The following BFSP1 variants were observed in gnomAD, a reference collection of about 807,000 sequenced individuals.
The protein encoded by BFSP1 is beaded filament structural protein 1, also known as filensin.
Under a neutral mutation model 43.9 loss-of-function variants are expected in BFSP1, and 38 were observed. That is an observed-to-expected ratio of 0.87 (90% CI 0.67 to 1.14). The LOEUF is 1.14. Ranked by LOEUF, BFSP1 falls within the 50% of genes most tolerant of loss-of-function variation. The pLI, the probability that BFSP1 is intolerant of heterozygous loss-of-function variation, is 0.00. For missense variants in BFSP1, 850 were observed against 875.1 expected (o/e 0.97, Z 0.36); for synonymous variants, 352 against 354.8 (o/e 0.99, Z 0.09).
chr20:17,567,785 C>G (rs982735104), intron 1 of BFSP1, among the ~76,000 whole-genome samples: 1 of 150,858 alleles, frequency 6.6e-6, no homozygotes, highest in African/African-American at 2.4e-5. Context: ...CGCTTGAACC[C>G]GAGAGGCGGA....
At chr20:17,503,167 G>A (rs2033843628) in intron 5 of BFSP1, among the ~76,000 whole-genome samples, 1 of 152,072 alleles carries the variant, frequency 6.6e-6, no homozygotes, top group African/African-American at 2.4e-5. Context: ...GAGACCACAG[G>A]TGAATGCCAC....
intron 5 of BFSP1, among the ~76,000 whole-genome samples, chr20:17,501,071 C>T (rs903669095): frequency 1.3e-5 from 2 of 152,202 alleles, no homozygotes; most frequent in Non-Finnish European, 2.9e-5. Flanking sequence ...ATGGGCCACA[C>T]TTCGAGTCAC....
chr20:17,496,578 G>A (rs1034407803), intron 7 of BFSP1, among the ~76,000 whole-genome samples: 11 of 152,170 alleles, frequency 7.2e-5, no homozygotes, highest in Admixed American at 2.6e-4. Context: ...ACTGCCGAGC[G>A]GAGGGAGCAA....
chr20:17,524,318 A>G (rs190548102), intron 2 of BFSP1, among the ~76,000 whole-genome samples: 11 of 152,282 alleles, frequency 7.2e-5, no homozygotes, highest in Admixed American at 3.3e-4. Flanking sequence ...GCAACTCCAC[A>G]TAACCCTGCA....
chr20:17,535,627 TATAAAC>T (rs2034615301), upstream of BFSP1, among the ~76,000 whole-genome samples: 2 of 151,726 alleles, frequency 1.3e-5, no homozygotes, highest in African/African-American at 4.9e-5. Context: ...CATGTATAAA[TATAAAC>T]ATAAATAAGT....
chr20:17,549,760 CG>C (rs1183710278), intron 1 of BFSP1, among the ~76,000 whole-genome samples: 4 of 152,082 alleles, frequency 2.6e-5, no homozygotes, highest in African/African-American at 9.7e-5. Context: ...CACTTAAACC[CG>C]GGGGGCAGAA....
rs1431990278 is a variant in BFSP1, at chr20:17,548,392, A to G, written c.2+10296T>C. Among the ~76,000 whole-genome samples the G allele has an allele frequency of 4.6e-5, 7 of 152,190 alleles. 1 individual carries two copies. The South Asian group carries it at 1.4e-3, about 31-fold the overall frequency. On this transcript the variant is annotated intron_variant, in intron 1 of 7. Transcript: ENST00000377868. ...TTTACCAATAATAATTATTTGCCTT[A>G]CAGGCTCTCTTAAACTGGCTTTGCT...
At chr20:17,523,901 C>T (rs532924356) in intron 2 of BFSP1, among the ~76,000 whole-genome samples, 5 of 151,764 alleles carry the variant, frequency 3.3e-5, no homozygotes, top group East Asian at 1.9e-4. Flanking sequence ...GGCAAACATC[C>T]GGCGCTAACC....
chr20:17,514,912 A>G (rs2034165531), intron 2 of BFSP1, 96 bp from the exon 3 acceptor site: 1 of 1,079,320 alleles, frequency 9.3e-7, no homozygotes, highest in Admixed American at 1.8e-5. Flanking sequence ...CTGGGAGCTT[A>G]CTGAAATGCA....
intron 1 of BFSP1, among the ~76,000 whole-genome samples, chr20:17,538,987 G>C (rs1389283325): frequency 2.6e-5 from 4 of 151,424 alleles, no homozygotes; most frequent in Admixed American, 1.3e-4. Flanking sequence ...AGCCACAGTT[G>C]TCCAACTGGC....
intron 2 of BFSP1, among the ~76,000 whole-genome samples, chr20:17,519,386 A>C (rs569006093): frequency 6.6e-6 from 1 of 152,318 alleles, no homozygotes; most frequent in Non-Finnish European, 1.5e-5. Context: ...CTCTTCCCTC[A>C]GAGACCCTTC....
intron 1 of BFSP1, among the ~76,000 whole-genome samples, chr20:17,550,020 T>C (rs2034870499): frequency 6.6e-6 from 1 of 152,174 alleles, no homozygotes; most frequent in Non-Finnish European, 1.5e-5. Context: ...CTTCTCTATT[T>C]ACCCTCAGAA....
At chr20:17,564,596 T>TC (rs2035099230) in intron 1 of BFSP1, among the ~76,000 whole-genome samples, 1 of 152,110 alleles carries the variant, frequency 6.6e-6, no homozygotes, top group Non-Finnish European at 1.5e-5. Context: ...TTCTTCTTCT[T>TC]CTTTTTTTTT....
intron 5 of BFSP1, among the ~76,000 whole-genome samples, chr20:17,502,090 C>T (rs1343045029): frequency 6.6e-6 from 1 of 152,118 alleles, no homozygotes; most frequent in East Asian, 1.9e-4. Context: ...AGAGCGGCTG[C>T]CTCAGCTCCC....
chr20:17,568,891 C>A (rs892736399), intron 1 of BFSP1, among the ~76,000 whole-genome samples: 1 of 152,040 alleles, frequency 6.6e-6, no homozygotes, highest in South Asian at 2.1e-4. Context: ...TTCTCGGTAA[C>A]CTAAATTAAT....
intron 5 of BFSP1, among the ~76,000 whole-genome samples, chr20:17,508,107 C>T (rs917380538): frequency 6.6e-6 from 1 of 152,170 alleles, no homozygotes; most frequent in African/African-American, 2.4e-5. Context: ...CCCATGTGTA[C>T]TTGTCAAACC....
At chr20:17,532,986 TG>T (rs1356610304), upstream of BFSP1, among the ~76,000 whole-genome samples, 1 of 152,122 alleles carries the variant, frequency 6.6e-6, no homozygotes, top group Non-Finnish European at 1.5e-5. Flanking sequence ...AGATTCCGTC[TG>T]GAATAAAGCT....
intron 1 of BFSP1, among the ~76,000 whole-genome samples, chr20:17,536,613 T>C (rs1291873021): frequency 6.6e-6 from 1 of 152,254 alleles, no homozygotes; most frequent in Non-Finnish European, 1.5e-5. Context: ...CACTAACAAA[T>C]ATCTAAAAGC....
At chr20:17,564,882 T>C (rs999413871) in intron 1 of BFSP1, among the ~76,000 whole-genome samples, 6 of 151,906 alleles carry the variant, frequency 3.9e-5, no homozygotes, top group African/African-American at 1.5e-4. Flanking sequence ...AGCCACCATG[T>C]CCGGCAAAAT....
Sources: allele counts gnomAD v4.1 joint callset (sites outside exome capture counted in the v4.1 genomes callset), GRCh38; gene constraint gnomAD v4.1.1; transcripts MANE v1.5; gene names NCBI Gene and HGNC (gene_info 2026-07-23, HGNC 2026-07-21).